Variants in ZNF438 observed in about 807,000 individuals in gnomAD.
ZNF438 encodes zinc finger protein 438.
Under a neutral mutation model 38.0 loss-of-function variants are expected in ZNF438, and 25 were observed. That is an observed-to-expected ratio of 0.66 (90% CI 0.48 to 0.92). The LOEUF (loss-of-function observed/expected upper bound fraction) is 0.92. ZNF438 is among the 40% of genes least tolerant of loss of function. The probability of loss-of-function intolerance (pLI) is 0.00; values close to 1 mark genes in which losing one functional copy is unlikely to be tolerated. For missense variants in ZNF438, 1,007 were observed against 999.6 expected (o/e 1.01, Z -0.10); for synonymous variants, 372 against 364.1 (o/e 1.02, Z -0.25).
intron 2 of ZNF438, chr10:30,919,916 T>C (rs935309037): frequency 6.6e-6 from 1 of 152,250 alleles, no homozygotes; most frequent in African/African-American, 2.4e-5. Flanking sequence ...GAAATCAGCA[T>C]CTGGGCCATC....
intron 4 of ZNF438, among the ~76,000 whole-genome samples, chr10:30,858,821 T>C (rs929885475): frequency 4.6e-5 from 7 of 152,078 alleles, no homozygotes. Context: ...CCCCTCTCCC[T>C]CCTTAACACC....
intron 1 of ZNF438, among the ~76,000 whole-genome samples, chr10:30,995,524 A>T (rs575960580): frequency 3.3e-5 from 5 of 152,250 alleles, no homozygotes; most frequent in African/African-American, 1.2e-4. Flanking sequence ...TCAGGCTAAA[A>T]GCAAGTAACA....
At chr10:30,995,265 T>C (rs1460063218) in intron 1 of ZNF438, among the ~76,000 whole-genome samples, 2 of 151,982 alleles carry the variant, frequency 1.3e-5, no homozygotes, top group Admixed American at 6.6e-5. Context: ...AAGAGCAAAA[T>C]GACCAGACAA....
chr10:30,911,978 A>C, intron 2 of ZNF438, among the ~76,000 whole-genome samples: 2 of 152,016 alleles, frequency 1.3e-5, no homozygotes, highest in Non-Finnish European at 1.5e-5. Context: ...ACATGAAAAT[A>C]TTATTCCTTC....
chr10:30,967,685 G>A (rs1334632145), intron 1 of ZNF438, among the ~76,000 whole-genome samples: 1 of 152,164 alleles, frequency 6.6e-6, no homozygotes, highest in Non-Finnish European at 1.5e-5. Context: ...TTCTGGGACT[G>A]CAAAGGAATG....
chr10:30,869,735 A>G (rs1021088795), intron 4 of ZNF438, among the ~76,000 whole-genome samples: 8 of 152,268 alleles, frequency 5.3e-5, no homozygotes, highest in Non-Finnish European at 1.2e-4. Context: ...CTTGCTCTGC[A>G]GCATAAAATG....
intron 2 of ZNF438, among the ~76,000 whole-genome samples, chr10:30,941,177 C>G (rs139617316): frequency 6.6e-6 from 1 of 152,008 alleles, no homozygotes; most frequent in African/African-American, 2.4e-5. Flanking sequence ...GTTGAAGCAA[C>G]TCTCCTGTCT....
intron 3 of ZNF438, among the ~76,000 whole-genome samples, chr10:30,881,467 TAGAG>T (rs143948261): frequency 0.019 from 2,910 of 152,122 alleles, 66 homozygotes; most frequent in African/African-American, 0.066. Context: ...AAAACACTCA[TAGAG>T]AGAAATTTTA....
intron 1 of ZNF438, among the ~76,000 whole-genome samples, chr10:31,003,384 A>C (rs2054841945): frequency 6.6e-6 from 1 of 151,772 alleles, no homozygotes; most frequent in Non-Finnish European, 1.5e-5. Flanking sequence ...TGTCTTGCTT[A>C]CTCTTCCCGT....
exon 5 of ZNF438, chr10:30,848,610 C>G (rs886500222): frequency 2.9e-5 from 47 of 1,614,090 alleles, no homozygotes; most frequent in Non-Finnish European, 3.6e-5. Flanking sequence ...TCACTGGGCG[C>G]AGGCTCAGTG....
intron 4 of ZNF438, among the ~76,000 whole-genome samples, chr10:30,876,503 A>C (rs10826887): frequency 6.6e-6 from 1 of 151,984 alleles, no homozygotes; most frequent in East Asian, 1.9e-4. Context: ...ATACATTGCA[A>C]AAAGTAAAAT....
chr10:30,936,623 G>GA (rs1289437217), intron 2 of ZNF438, among the ~76,000 whole-genome samples: 1 of 152,190 alleles, frequency 6.6e-6, no homozygotes, highest in Non-Finnish European at 1.5e-5. Context: ...ACAATGAGCT[G>GA]AGATTGCGCC....
At chr10:30,870,793 T>C (rs990526902) in intron 4 of ZNF438, among the ~76,000 whole-genome samples, 3 of 152,214 alleles carry the variant, frequency 2.0e-5, no homozygotes, top group South Asian at 2.1e-4. Flanking sequence ...GTGTTCCTAA[T>C]AGCCTTCTAG....
intron 3 of ZNF438, among the ~76,000 whole-genome samples, chr10:30,890,424 G>C (rs1039881198): frequency 1.3e-5 from 2 of 152,118 alleles, no homozygotes; most frequent in African/African-American, 4.8e-5. Context: ...CAGGTTCCAG[G>C]GTGAAATGTT....
intron 3 of ZNF438, among the ~76,000 whole-genome samples, chr10:30,905,205 T>C (rs1379602393): frequency 6.6e-6 from 1 of 152,246 alleles, no homozygotes; most frequent in East Asian, 1.9e-4. Context: ...CAGATTGTTT[T>C]CCGAACAAAT....
chr10:30,905,534 T>G (rs1332228062), intron 3 of ZNF438, among the ~76,000 whole-genome samples: 6 of 152,214 alleles, frequency 3.9e-5, no homozygotes, highest in Non-Finnish European at 7.3e-5. Context: ...TTGCAAATAT[T>G]TTCTCCCATT....
At chr10:31,022,072 T>C (rs538691683) in intron 1 of ZNF438, among the ~76,000 whole-genome samples, 1 of 152,282 alleles carries the variant, frequency 6.6e-6, no homozygotes, top group South Asian at 2.1e-4. Context: ...ACAACAATAA[T>C]GAACCATTTC....
chr10:30,897,429 T>C (rs1323142690), intron 3 of ZNF438, among the ~76,000 whole-genome samples: 1 of 152,216 alleles, frequency 6.6e-6, no homozygotes, highest in Non-Finnish European at 1.5e-5. Flanking sequence ...GCCATCTTAG[T>C]ATTAGCAGCT....
chr10:30,925,156 C>T (rs2044764177), intron 2 of ZNF438, among the ~76,000 whole-genome samples: 1 of 152,064 alleles, frequency 6.6e-6, no homozygotes, highest in African/African-American at 2.4e-5. Flanking sequence ...TCTCCTTTTC[C>T]ATTCCTACAT....
Sources: gnomAD v4.1 joint callset for allele counts (sites outside exome capture counted in the v4.1 genomes callset) on GRCh38, gnomAD v4.1.1 for gene constraint, MANE v1.5 for transcripts, NCBI Gene and HGNC (gene_info 2026-07-23, HGNC 2026-07-21) for gene names.